GNAL: variants seen among roughly 807,000 people sequenced by gnomAD.
The protein encoded by GNAL is guanine nucleotide-binding protein G(olf) subunit alpha.
A neutral mutation model predicts 55.1 loss-of-function variants in GNAL; 18 were observed. The observed-to-expected ratio is 0.33, with a 90% CI of 0.23 to 0.48. The LOEUF is 0.48. Among genes scored for constraint, GNAL ranks in the 20% least tolerant of loss-of-function variants. The pLI is 0.99. For missense variants in GNAL, 412 were observed against 614.1 expected, an observed-to-expected ratio of 0.67 and a Z score of 3.48; for synonymous variants, 253 against 237.0, an observed-to-expected ratio of 1.07 and a Z score of -0.62.
intron 1 of GNAL, among the ~76,000 whole-genome samples, chr18:11,717,611 T>TA (rs909499150): frequency 1.3e-5 from 2 of 151,994 alleles, no homozygotes; most frequent in Admixed American, 6.5e-5. Flanking sequence ...TATGCAGCCA[T>TA]AAAAAAAAGA....
At chr18:11,793,069 G>A (rs1016139020) in intron 4 of GNAL, among the ~76,000 whole-genome samples, 1 of 152,156 alleles carries the variant, frequency 6.6e-6, no homozygotes, top group Non-Finnish European at 1.5e-5. Flanking sequence ...ACTATATGTA[G>A]GGGTAAATCT....
intron 4 of GNAL, among the ~76,000 whole-genome samples, chr18:11,788,160 G>A (rs1222480585): frequency 2.6e-5 from 4 of 152,172 alleles, no homozygotes; most frequent in Non-Finnish European, 4.4e-5. Flanking sequence ...CCCAAGTTGT[G>A]CTGTGCTTCA....
chr18:11,855,924 A>G (rs1338036546), intron 5 of GNAL, among the ~76,000 whole-genome samples: 1 of 151,116 alleles, frequency 6.6e-6, no homozygotes, highest in Admixed American at 6.6e-5. Context: ...GTGAGCCGAG[A>G]TCGCGCCATT....
At chr18:11,703,413 A>G (rs970946707) in intron 1 of GNAL, among the ~76,000 whole-genome samples, 1 of 152,226 alleles carries the variant, frequency 6.6e-6, no homozygotes, top group African/African-American at 2.4e-5. Context: ...GTTATTTGTT[A>G]TAGGTTTTCA....
chr18:11,765,748 TC>T (rs1261152966), intron 4 of GNAL, among the ~76,000 whole-genome samples: 2 of 152,370 alleles, frequency 1.3e-5, no homozygotes, highest in East Asian at 3.8e-4. Context: ...TTCATTTTTT[TC>T]CACTGCTGAA....
intron 9 of GNAL, among the ~76,000 whole-genome samples, chr18:11,869,344 C>A (rs538000407): frequency 1.3e-5 from 2 of 152,112 alleles, no homozygotes; most frequent in South Asian, 4.2e-4. Context: ...CGGGTTTCAC[C>A]ATGTTAGCCA....
At position 11,751,187 on chromosome 18, in the gene GNAL, C is replaced by A. The variant is rs561092226; in HGVS notation, c.377-1666C>A. On this transcript the variant is annotated intron_variant, in intron 1 of 11. Coordinates refer to ENST00000334049, the MANE Select transcript of GNAL (RefSeq NM_182978.4). This position sits in a 1 kb window ranked among gnomAD's most constrained non-coding sequence, Gnocchi z 4.5. The stretch of plus-strand genomic sequence containing the variant: ...AACAGTGATTTCTCCACGCCCACGG[C>A]TGGTGTCCACGACTTCGGCCCGGCC... 8.5e-5 allele frequency among the ~76,000 whole-genome samples: 13 copies of A among 152,292 alleles called. No individual in the cohort carries two copies. In the East Asian group the frequency reaches 2.5e-3, roughly 29 times the overall value.
intron 5 of GNAL, among the ~76,000 whole-genome samples, chr18:11,832,755 G>A (rs2035413481): frequency 6.6e-6 from 1 of 151,916 alleles, no homozygotes; most frequent in Admixed American, 6.6e-5. Flanking sequence ...AGCTACTCGG[G>A]AGGCTGAGGC....
intron 1 of GNAL, among the ~76,000 whole-genome samples, chr18:11,719,350 G>A (rs559800542): frequency 4.4e-4 from 67 of 152,068 alleles, no homozygotes; most frequent in Non-Finnish European, 8.2e-4. Context: ...CAGCAAAGAT[G>A]TATTGCAAAA....
intron 5 of GNAL, among the ~76,000 whole-genome samples, chr18:11,849,778 A>G (rs2035816716): frequency 6.6e-6 from 1 of 152,228 alleles, no homozygotes; most frequent in Non-Finnish European, 1.5e-5. Context: ...AAGGAACCAT[A>G]GCTAAGCTGC....
intron 4 of GNAL, among the ~76,000 whole-genome samples, chr18:11,808,172 A>G (rs1202365859): frequency 6.6e-6 from 1 of 152,068 alleles, no homozygotes; most frequent in East Asian, 1.9e-4. Context: ...AGGGAGTGGA[A>G]GGAATCGCCA....
chr18:11,704,779 C>CA (rs2031663896), intron 1 of GNAL, among the ~76,000 whole-genome samples: 1 of 77,764 alleles, frequency 1.3e-5, no homozygotes, highest in South Asian at 3.2e-4. Flanking sequence ...AGTCCATTAT[C>CA]AATTTTTTTT....
At chr18:11,827,297 T>G (rs2035271002) in intron 5 of GNAL, among the ~76,000 whole-genome samples, 1 of 152,212 alleles carries the variant, frequency 6.6e-6, no homozygotes, top group South Asian at 2.1e-4. Context: ...TCATGAAAAT[T>G]TTTAATTAAT....
intron 1 of GNAL, among the ~76,000 whole-genome samples, chr18:11,742,141 T>C (rs2032590154): frequency 6.6e-6 from 1 of 152,212 alleles, no homozygotes; most frequent in East Asian, 1.9e-4. Context: ...CTAGTATGCT[T>C]TGTTACCTGT....
At chr18:11,780,339 A>G (rs1395087177) in intron 4 of GNAL, among the ~76,000 whole-genome samples, 1 of 151,902 alleles carries the variant, frequency 6.6e-6, no homozygotes, top group East Asian at 1.9e-4. Context: ...TTTTCGGAGC[A>G]AATATCCAAG....
intron 1 of GNAL, chr18:11,746,676 G>A (rs552868983): frequency 1.9e-5 from 5 of 257,844 alleles, no homozygotes; most frequent in South Asian, 1.4e-4. Flanking sequence ...ACAGACAGAA[G>A]GATAGGCTCC....
In GNAL at chr18:11,689,749, A is replaced by G. The variant is rs993990807; in HGVS notation, c.186A>G (p.Ala62=). 2 of 1,509,198 alleles carry G rather than the reference A, an allele frequency of 1.3e-6. No homozygotes were observed. The highest frequency in any genetic ancestry group is 2.1e-5 in the Admixed American group (1 of 47,484). The allele number at this position is 1,509,198 out of a possible 1,614,324, so 93.5% of individuals were successfully genotyped here. Reference sequence around the variant, plus strand: ...CTCGGGGCGGCGAAGGGAGCCCGGCATGCGCTCGGCCCAAAGCAGACAAGC... The same window carrying G: ...CTCGGGGCGGCGAAGGGAGCCCGGCGTGCGCTCGGCCCAAAGCAGACAAGC... ...LLPRGGEGSP[A]CARPKADKPK... Residue 62 remains alanine, a synonymous_variant, in exon 1 of 12, where the codon GCA becomes GCG. Coordinates refer to ENST00000334049, the MANE Select transcript of GNAL (RefSeq NM_182978.4).
intron 5 of GNAL, chr18:11,852,490 A>T (rs1401766781): frequency 9.7e-6 from 2 of 207,026 alleles, no homozygotes; most frequent in African/African-American, 2.3e-5. Flanking sequence ...CTAGAATGGC[A>T]GGTGGTGCAT....
At chr18:11,838,002 G>A (rs1446459043) in intron 5 of GNAL, among the ~76,000 whole-genome samples, 2 of 152,048 alleles carry the variant, frequency 1.3e-5, no homozygotes, top group Non-Finnish European at 2.9e-5. Flanking sequence ...ATGGTGATGC[G>A]CACTGGTAGT....
Sources: gnomAD v4.1 joint callset for allele counts (sites outside exome capture counted in the v4.1 genomes callset) on GRCh38, gnomAD v4.1.1 for gene constraint, Gnocchi (gnomAD v3.1) non-coding constraint, MANE v1.5 for transcripts, NCBI Gene and HGNC (gene_info 2026-07-23, HGNC 2026-07-21) for gene names.